Variants in TSC22D1 observed in about 807,000 individuals in gnomAD.
TSC22D1 encodes the protein TSC22 domain family member 1.
A neutral mutation model predicts 74.2 loss-of-function variants in TSC22D1; 9 were observed. That is an observed-to-expected ratio of 0.12 (90% CI 0.07 to 0.21). The LOEUF (loss-of-function observed/expected upper bound fraction) is 0.21. Ranked by LOEUF, TSC22D1 falls within the 10% of genes least tolerant of loss-of-function variation. The pLI is 1.00. For synonymous variants in TSC22D1, 586 were observed against 492.5 expected, an observed-to-expected ratio of 1.19 and a Z score of -2.51; for missense variants, 1,427 against 1,304.7, an observed-to-expected ratio of 1.09 and a Z score of -1.44.
intron 1 of TSC22D1, among the ~76,000 whole-genome samples, chr13:44,520,211 A>C (rs1323980777): frequency 6.6e-6 from 1 of 152,206 alleles, no homozygotes; most frequent in Non-Finnish European, 1.5e-5. Context: ...CCATATATAA[A>C]GTCCAGGTAG....
intron 1 of TSC22D1, among the ~76,000 whole-genome samples, chr13:44,520,943 T>C (rs1009305238): frequency 6.6e-6 from 1 of 152,190 alleles, no homozygotes; most frequent in South Asian, 2.1e-4. Flanking sequence ...TATTAGCCAA[T>C]GTATTCCTCA....
chr13:44,453,040 T>C (rs1167899355), intron 1 of TSC22D1, among the ~76,000 whole-genome samples: 4 of 152,218 alleles, frequency 2.6e-5, no homozygotes, highest in Non-Finnish European at 1.5e-5. Flanking sequence ...ATTTTGCAGT[T>C]AATTAGAATT....
At chr13:44,460,346 C>T (rs564123050) in intron 1 of TSC22D1, among the ~76,000 whole-genome samples, 32 of 152,154 alleles carry the variant, frequency 2.1e-4, no homozygotes, top group African/African-American at 7.0e-4. Flanking sequence ...TTTTCAAATA[C>T]GAAAACCACC....
At position 44,536,948 on chromosome 13, in the gene TSC22D1, A is replaced by AC. The variant is rs879074510; in HGVS notation, c.2912+36214_2912+36215insG. 7.5e-3 allele frequency: 5,068 copies of AC among 671,464 alleles called. 223 individuals carry two copies. Among genetic ancestry groups the AC allele is most frequent in the Non-Finnish European group, 7.9e-3 (4,461 of 564,334 alleles). The allele number at this position is 671,464 out of a possible 1,614,324, so 41.6% of individuals were successfully genotyped here. ...TCTGAAAAAAAAAAAAAAAAAAAAA[A>AC]AAAAAAAAAAACAAAAAAAACTAAC... On this transcript the variant is annotated intron_variant, in intron 1 of 2. Transcript: ENST00000458659.
intron 1 of TSC22D1, among the ~76,000 whole-genome samples, chr13:44,456,044 C>CAGT (rs1253303826): frequency 6.6e-6 from 1 of 152,134 alleles, no homozygotes; most frequent in Non-Finnish European, 1.5e-5. Flanking sequence ...CAATCTTACT[C>CAGT]AACTGAATAA....
intron 1 of TSC22D1, among the ~76,000 whole-genome samples, chr13:44,440,380 A>AC (rs1379324041): frequency 1.3e-5 from 2 of 152,086 alleles, no homozygotes; most frequent in African/African-American, 4.8e-5. Context: ...GGAGTTCAAG[A>AC]CCAGCCTTGC....
chr13:44,482,546 A>C (rs1006225557), intron 1 of TSC22D1, among the ~76,000 whole-genome samples: 1 of 152,080 alleles, frequency 6.6e-6, no homozygotes, highest in Admixed American at 6.5e-5. Context: ...CTCAAAACAA[A>C]ACAAAACAAA....
At chr13:44,495,777 A>G (rs1878945262) in intron 1 of TSC22D1, among the ~76,000 whole-genome samples, 3 of 152,222 alleles carry the variant, frequency 2.0e-5, no homozygotes, top group Non-Finnish European at 2.9e-5. Flanking sequence ...GTTTTAATAA[A>G]TGGTGCTGGC....
intron 1 of TSC22D1, among the ~76,000 whole-genome samples, chr13:44,572,865 A>G (rs573625981): frequency 3.3e-5 from 5 of 152,228 alleles, no homozygotes; most frequent in African/African-American, 7.2e-5. Flanking sequence ...GCTTTCCATA[A>G]TATTTCTAAA....
intron 1 of TSC22D1, among the ~76,000 whole-genome samples, chr13:44,442,776 G>A (rs974739235): frequency 3.3e-5 from 5 of 151,734 alleles, no homozygotes; most frequent in Admixed American, 1.3e-4. Context: ...ATAGCTGGGC[G>A]TTGTGGCACA....
At chr13:44,523,655 G>C (rs1017192587) in intron 1 of TSC22D1, among the ~76,000 whole-genome samples, 2 of 152,130 alleles carry the variant, frequency 1.3e-5, no homozygotes, top group Non-Finnish European at 2.9e-5. Flanking sequence ...GAAGGATTTT[G>C]CAACAGGGAG....
At chr13:44,467,543 A>G (rs1877359459) in intron 1 of TSC22D1, among the ~76,000 whole-genome samples, 1 of 152,184 alleles carries the variant, frequency 6.6e-6, no homozygotes. Flanking sequence ...CAAACAAATC[A>G]GCAAGAAAAA....
intron 2 of TSC22D1, 39 bp from the exon 3 acceptor site, chr13:44,434,922 T>C (rs769656197): frequency 7.1e-6 from 11 of 1,540,398 alleles, no homozygotes; most frequent in Non-Finnish European, 9.7e-6. Flanking sequence ...CATTATTTGG[T>C]ATTTTCTGGA....
intron 1 of TSC22D1, among the ~76,000 whole-genome samples, chr13:44,550,989 C>T (rs1311335173): frequency 6.6e-6 from 1 of 151,180 alleles, no homozygotes; most frequent in Non-Finnish European, 1.5e-5. Context: ...CACCTGTAGT[C>T]TCAGCTACTC....
chr13:44,534,978 G>C (rs944813226), intron 1 of TSC22D1, among the ~76,000 whole-genome samples: 4 of 152,130 alleles, frequency 2.6e-5, no homozygotes, highest in African/African-American at 4.8e-5. Context: ...CTGAGAGCAG[G>C]GGTAGGAAAT....
rs1254125985 is a variant in TSC22D1 at position 44,575,236 on chromosome 13, ACAG to A, written c.836_838del (p.Ala279del). The A allele has an allele frequency of 7.4e-6, 12 of 1,613,974 alleles. No homozygotes were observed. The highest frequency in any genetic ancestry group is 2.2e-5 in the South Asian group (2 of 91,090). On this transcript the variant is annotated inframe_deletion, in exon 1 of 3. Transcript: ENST00000458659. ...AGATGCAGGTGAACCACTGGATGAT[ACAG>A]CAGAAGTTGGTGCAACTGGTGTGAT...
chr13:44,496,475 G>A (rs1444469562), intron 1 of TSC22D1, among the ~76,000 whole-genome samples: 1 of 152,132 alleles, frequency 6.6e-6, no homozygotes, highest in Non-Finnish European at 1.5e-5. Flanking sequence ...CTGAGGGCAG[G>A]AGTTCGAGAC....
chr13:44,462,927 C>G (rs1877076034), intron 1 of TSC22D1, among the ~76,000 whole-genome samples: 1 of 152,118 alleles, frequency 6.6e-6, no homozygotes, highest in African/African-American at 2.4e-5. Context: ...AGAGTTACAG[C>G]TAACATATAA....
chr13:44,558,496 T>A (rs183602647), intron 1 of TSC22D1, among the ~76,000 whole-genome samples: 1 of 152,128 alleles, frequency 6.6e-6, no homozygotes, highest in East Asian at 1.9e-4. Flanking sequence ...TCCCAGCACT[T>A]TGGGAGGCTG....
Sources: allele counts gnomAD v4.1 joint callset (sites outside exome capture counted in the v4.1 genomes callset), GRCh38; gene constraint gnomAD v4.1.1; transcripts MANE v1.5; gene names NCBI Gene and HGNC (gene_info 2026-07-23, HGNC 2026-07-21).